The following FAN1 variants were observed in gnomAD, a reference collection of about 807,000 sequenced individuals.
The protein encoded by FAN1 is fanconi-associated nuclease 1.
Under a neutral mutation model 104.9 loss-of-function variants are expected in FAN1, and 91 were observed. That is an observed-to-expected ratio of 0.87 (90% CI 0.73 to 1.03). The LOEUF (loss-of-function observed/expected upper bound fraction) is 1.03. FAN1 is among the 50% of genes least tolerant of loss of function. FAN1 has a pLI of 0.00. For synonymous variants in FAN1, 478 were observed against 457.6 expected (o/e 1.04, Z -0.57); for missense variants, 1,263 against 1,239.9 (o/e 1.02, Z -0.28).
At chr15:30,926,632 A>C in intron 10 of FAN1, 2 of 985,378 alleles carry the variant, frequency 2.0e-6, no homozygotes, top group Non-Finnish European at 1.2e-6. Flanking sequence ...ATTGGGGAAG[A>C]CGTGCAAATG....
chr15:30,929,363 G>C lies in FAN1; in HGVS notation c.2753G>C (p.Ser918Thr). 1.9e-6 allele frequency: 3 copies of C among 1,611,490 alleles called. No homozygotes were observed. The highest frequency in any genetic ancestry group is 2.5e-6 in the Non-Finnish European group (3 of 1,178,934). Residue 918 changes from serine (S) to threonine (T), a missense_variant, in exon 12 of 15, where the codon AGC (serine) becomes ACC (threonine). This residue lies in a region of FAN1 where 581 missense variants were observed against 668.8 expected (regional missense o/e 0.87). Coordinates refer to ENST00000362065, the MANE Select transcript of FAN1 (RefSeq NM_014967.5). ...GAAGGCAGAGTGGCTTCCCTTGTCAGCTGGGATCGCTTCACGTCTCTTCAG... is the reference window on the plus strand; with the variant it reads ...GAAGGCAGAGTGGCTTCCCTTGTCACCTGGGATCGCTTCACGTCTCTTCAG... The part of the protein sequence containing the change: ...EQEGRVASLV[S>T]WDRFTSLQQA...
At position 30,929,862 on chromosome 15, in the gene FAN1, AATAT is replaced by A. The variant is rs546687211; in HGVS notation, c.2787+471_2787+474del. 2.5e-4 allele frequency among the ~76,000 whole-genome samples: 15 copies of A among 60,366 alleles called. 1 individual carries two copies. The highest frequency in any genetic ancestry group is 1.3e-3 in the African/African-American group (14 of 10,504). The allele number at this position is 60,366 out of a possible 152,430, so 39.6% of individuals were successfully genotyped here. A position where few individuals can be genotyped will look rare whatever the true frequency, so the allele number is the denominator to read the frequency against. ...AATATATAAAATATATATCATATAT[AATAT>A]ATATAAAATATATAATATATATCAT... On this transcript the variant is annotated intron_variant, in intron 12 of 14. Coordinates refer to ENST00000362065, the MANE Select transcript of FAN1 (RefSeq NM_014967.5).
intron 10 of FAN1, chr15:30,926,667 AG>A: frequency 1.0e-6 from 1 of 985,424 alleles, no homozygotes; most frequent in Non-Finnish European, 1.2e-6. Context: ...GAGATACAGT[AG>A]GCCTGAAATG....
chr15:30,939,169 C>CAAATTAATATCCTTTCCTTAA, intron 14 of FAN1: 5 of 985,374 alleles, frequency 5.1e-6, no homozygotes, highest in Non-Finnish European at 6.0e-6. Flanking sequence ...TCTGTTAGTA[C>CAAATTAATATCCTTTCCTTAA]AAATTAATAT....
intron 2 of FAN1, chr15:30,906,561 A>G (rs1455753317): frequency 4.4e-6 from 2 of 454,248 alleles, no homozygotes; most frequent in Non-Finnish European, 8.9e-6. Context: ...GGCCATGATG[A>G]CTCTGTGGAA....
Position 30,905,781 on chromosome 15 carries a change from C to G in FAN1, c.1118C>G (p.Pro373Arg). ...CNGPGQTTGHPYYLRSFLVVL... is the reference protein window; with the variant it reads ...CNGPGQTTGHRYYLRSFLVVL... ...GGTCCTGGTCAAACAACCGGTCATC[C>G]TTACTACCTTCGGAGTTTCCTTGTG... Residue 373 changes from proline to arginine, a missense_variant, in exon 2 of 15, where the codon CCT (proline) becomes CGT (arginine). Pro to Arg is a moderately radical substitution (Grantham distance 103). Transcript: ENST00000362065. 6.2e-7 allele frequency: 1 copy of G among 1,614,200 alleles called. No homozygotes were observed. The highest frequency in any genetic ancestry group is 8.5e-7 in the Non-Finnish European group (1 of 1,180,026).
At chr15:30,908,032 G>C (rs1217521716) in intron 2 of FAN1, 86 bp from the exon 3 acceptor site, 1 of 1,119,032 alleles carries the variant, frequency 8.9e-7, no homozygotes. Flanking sequence ...GTAAGCATAT[G>C]TGTATTTCTA....
intron 6 of FAN1, among the ~76,000 whole-genome samples, chr15:30,920,301 C>T (rs928105493): frequency 4.6e-5 from 7 of 152,136 alleles, no homozygotes; most frequent in African/African-American, 1.4e-4. Context: ...GGCTGTGGGC[C>T]GGAGTTTGCT....
At chr15:30,932,841 T>C (rs2062751713) in intron 13 of FAN1, among the ~76,000 whole-genome samples, 1 of 151,718 alleles carries the variant, frequency 6.6e-6, no homozygotes, top group Non-Finnish European at 1.5e-5. Context: ...GCCTCCCTAG[T>C]AGCTGGGATT....
chr15:30,928,506 TTGTGTGTG>T lies in FAN1; in HGVS notation c.2489-20_2489-13del, dbSNP rs61136501. On this transcript the variant is annotated intron_variant, in intron 10 of 14. Coordinates refer to ENST00000362065, the MANE Select transcript of FAN1 (RefSeq NM_014967.5). ...TTGGAAGAAACAGATAAAACAGATT[TTGTGTGTG>T]TGTGTGTGTGTGTGTGTGTGTGTGT... 8.2e-4 allele frequency: 1,213 copies of T among 1,484,580 alleles called. 4 individuals carry two copies. The Middle Eastern group carries it at 0.02, about 25-fold the overall frequency. The allele number at this position is 1,484,580 out of a possible 1,614,324, so 92.0% of individuals were successfully genotyped here.
intron 2 of FAN1, among the ~76,000 whole-genome samples, chr15:30,907,514 A>G (rs1303847208): frequency 2.0e-5 from 3 of 151,136 alleles, no homozygotes; most frequent in Non-Finnish European, 4.4e-5. Context: ...GCAAAACTCC[A>G]TCTCAAAAAA....
At chr15:30,919,030 A>C (rs573612195) in intron 6 of FAN1, among the ~76,000 whole-genome samples, 2 of 152,316 alleles carry the variant, frequency 1.3e-5, no homozygotes, top group Admixed American at 6.5e-5. Context: ...TGTTATATGC[A>C]TTATATGCTG....
At chr15:30,909,163 A>G (rs1348619379) in intron 3 of FAN1, among the ~76,000 whole-genome samples, 2 of 152,208 alleles carry the variant, frequency 1.3e-5, no homozygotes, top group African/African-American at 2.4e-5. Flanking sequence ...GTATTAGGAA[A>G]GGGAAATGTG....
rs776436103 is a variant in FAN1 at position 30,930,619 on chromosome 15, G to A, written c.2864G>A (p.Arg955Gln). The A allele has an allele frequency of 1.3e-5, 21 of 1,612,830 alleles. No individual in the cohort carries two copies. Among genetic ancestry groups the A allele is most frequent in the Non-Finnish European group, 1.5e-5 (18 of 1,179,564 alleles). ...RHLAADFRHC[R>Q]GGLPDLVVWN... is the part of the protein sequence containing the mutation. ...CTGGCTGCTGACTTTCGACACTGTC[G>A]AGGGGGCCTCCCCGACCTGGTGGTG... Residue 955 changes from arginine to glutamine, a missense_variant, in exon 13 of 15, where the codon CGA (arginine) becomes CAA (glutamine). Transcript: ENST00000362065.
chr15:30,911,425 T>A, intron 4 of FAN1: 1 of 983,296 alleles, frequency 1.0e-6, no homozygotes, highest in Non-Finnish European at 1.2e-6. Context: ...TTTAACATGA[T>A]GTTGTTATTT....
At position 30,929,445 on chromosome 15, in the gene FAN1, C is replaced by G. The variant is rs191666636; in HGVS notation, c.2787+48C>G. 8.7e-4 allele frequency: 1,278 copies of G among 1,462,034 alleles called. 11 individuals are homozygous for G. In the African/African-American group the frequency reaches 0.016, roughly 19 times the overall value. The allele number at this position is 1,462,034 out of a possible 1,614,324, so 90.6% of individuals were successfully genotyped here. ...GGATTTGCTCAGAAAGTTAACACCG[C>G]CCCAGTGCTGTCTTTTCAGCAACTT... On this transcript the variant is annotated intron_variant, in intron 12 of 14. Transcript: ENST00000362065.
chr15:30,914,514 G>A (rs977104006), intron 5 of FAN1, among the ~76,000 whole-genome samples: 5 of 152,102 alleles, frequency 3.3e-5, no homozygotes, highest in African/African-American at 1.2e-4. Flanking sequence ...ACAGGCACAT[G>A]CCACCACACT....
Position 30,904,661 on chromosome 15 carries a change from C to T in FAN1, c.-3C>T, listed in dbSNP as rs1319966800. The T allele has an allele frequency of 1.9e-6, 3 of 1,607,614 alleles. No homozygotes were observed. Among genetic ancestry groups the T allele is most frequent in the Non-Finnish European group, 2.5e-6 (3 of 1,177,468 alleles). On this transcript the variant is annotated 5_prime_UTR_variant, in exon 2 of 15. Transcript: ENST00000362065. ...CTCAGAACATCCAGTTTTTCTAATA[C>T]TCATGATGTCAGAAGGGAAACCTCC... is the stretch of plus-strand genomic sequence containing the variant.
chr15:30,942,914 G>C lies in FAN1; in HGVS notation c.*1352G>C, dbSNP rs957453518. ...CCTTTGTCCGTTTAAAAGACTTCAC[G>C]GAGCCATTCTGTATACAAGGTGTGC... On this transcript the variant is annotated 3_prime_UTR_variant, in exon 15 of 15. Transcript: ENST00000362065. 3.2e-6 allele frequency: 5 copies of C among 1,567,326 alleles called. No homozygotes were observed. The African/African-American group carries it at 4.0e-5, about 13-fold the overall frequency.
Sources: allele counts gnomAD v4.1 joint callset (sites outside exome capture counted in the v4.1 genomes callset), GRCh38; gene constraint gnomAD v4.1.1; regional missense constraint gnomAD v4.1.1; transcripts MANE v1.5; gene names NCBI Gene and HGNC (gene_info 2026-07-23, HGNC 2026-07-21).